The following ANGPT1 variants were observed in gnomAD, a reference collection of about 807,000 sequenced individuals.
ANGPT1 encodes angiopoietin-1.
Under a neutral mutation model 62.2 loss-of-function variants are expected in ANGPT1, and 17 were observed. The observed-to-expected ratio is 0.27, with a 90% confidence interval of 0.19 to 0.41. The LOEUF (loss-of-function observed/expected upper bound fraction) is 0.41, where lower values mean the gene tolerates loss of function less well. Among genes scored for constraint, ANGPT1 ranks in the 10% least tolerant of loss-of-function variants. The probability of loss-of-function intolerance (pLI) is 1.00; values close to 1 mark genes in which losing one functional copy is unlikely to be tolerated. For missense variants in ANGPT1, 478 were observed against 594.9 expected, an observed-to-expected ratio of 0.80 and a Z score of 2.04; for synonymous variants, 199 against 198.9, an observed-to-expected ratio of 1.00 and a Z score of 0.00.
intron 1 of ANGPT1, among the ~76,000 whole-genome samples, chr8:107,486,899 A>C (rs1280462748): frequency 1.3e-5 from 2 of 152,144 alleles, no homozygotes; most frequent in East Asian, 3.9e-4. Flanking sequence ...TGAATTTCTT[A>C]CATCTTCCTA....
chr8:107,493,817 G>A (rs1813027124), intron 1 of ANGPT1, among the ~76,000 whole-genome samples: 1 of 150,318 alleles, frequency 6.7e-6, no homozygotes, highest in Non-Finnish European at 1.5e-5. Context: ...TAATATATAT[G>A]TAATATATGG....
intron 1 of ANGPT1, among the ~76,000 whole-genome samples, chr8:107,356,589 C>G (rs1816051722): frequency 6.6e-6 from 1 of 152,126 alleles, no homozygotes. Context: ...CACTGCATTC[C>G]AGCCTAGGCA....
intron 1 of ANGPT1, among the ~76,000 whole-genome samples, chr8:107,385,764 G>A (rs1816720372): frequency 6.6e-6 from 1 of 151,972 alleles, no homozygotes; most frequent in Non-Finnish European, 1.5e-5. Context: ...GTTGCTGTGG[G>A]TTTGTCATAG....
At chr8:107,495,620 T>C (rs1021931489) in intron 1 of ANGPT1, among the ~76,000 whole-genome samples, 1 of 152,146 alleles carries the variant, frequency 6.6e-6, no homozygotes, top group Non-Finnish European at 1.5e-5. Flanking sequence ...AAATTTTCCT[T>C]CCCGTTCCCT....
intron 1 of ANGPT1, among the ~76,000 whole-genome samples, chr8:107,479,861 T>C (rs1196397319): frequency 1.3e-5 from 2 of 152,150 alleles, no homozygotes; most frequent in Non-Finnish European, 2.9e-5. Flanking sequence ...TCTGTAGATA[T>C]AAAAATACTA....
rs146083771 is a variant in ANGPT1 at position 107,297,530 on chromosome 8, T to C, written c.937-3493A>G. The stretch of plus-strand genomic sequence containing the variant: ...CATTATACACTCTATGTATATAATG[T>C]AATATTTAATATGTATATAATATTT... On this transcript the variant is annotated intron_variant, in intron 5 of 8. Transcript: ENST00000517746. Among the ~76,000 whole-genome samples the C allele has an allele frequency of 6.7e-4, 101 of 149,912 alleles. 1 individual carries two copies. The highest frequency in any genetic ancestry group is 3.6e-3 in the Middle Eastern group (1 of 280).
intron 1 of ANGPT1, among the ~76,000 whole-genome samples, chr8:107,388,379 C>G (rs565569770): frequency 7.9e-5 from 12 of 151,748 alleles, no homozygotes; most frequent in Admixed American, 6.6e-4. Context: ...TGCACCACTG[C>G]GCTCCAGTTT....
At chr8:107,352,302 T>C (rs148362701) in intron 1 of ANGPT1, among the ~76,000 whole-genome samples, 37 of 152,292 alleles carry the variant, frequency 2.4e-4, no homozygotes, top group African/African-American at 8.4e-4. Flanking sequence ...TTACCCATGG[T>C]GAGAAGGCAA....
intron 7 of ANGPT1, among the ~76,000 whole-genome samples, chr8:107,281,076 T>C (rs1813993133): frequency 6.6e-6 from 1 of 152,208 alleles, no homozygotes; most frequent in Non-Finnish European, 1.5e-5. Flanking sequence ...TTTTATTTTC[T>C]ATCTGAGAAA....
At chr8:107,382,128 C>T (rs1816650396) in intron 1 of ANGPT1, among the ~76,000 whole-genome samples, 1 of 152,112 alleles carries the variant, frequency 6.6e-6, no homozygotes, top group Admixed American at 6.6e-5. Flanking sequence ...ACAATTACTT[C>T]TGCACCAATT....
chr8:107,471,648 T>C (rs1812361699), intron 1 of ANGPT1, among the ~76,000 whole-genome samples: 1 of 152,136 alleles, frequency 6.6e-6, no homozygotes, highest in Non-Finnish European at 1.5e-5. Flanking sequence ...TAAAGCATTC[T>C]TCAGATTGGC....
At chr8:107,343,633 C>T (rs887618018) in intron 2 of ANGPT1, among the ~76,000 whole-genome samples, 5 of 152,160 alleles carry the variant, frequency 3.3e-5, no homozygotes, top group Non-Finnish European at 7.4e-5. Context: ...AAGGGCTCCA[C>T]AGATCATTAA....
At chr8:107,370,559 G>C in intron 1 of ANGPT1, among the ~76,000 whole-genome samples, 1 of 184 alleles carries the variant, frequency 5.4e-3, no homozygotes, top group East Asian at 0.25. Context: ...AAAATTAGCC[G>C]GGCATGGTGG....
intron 1 of ANGPT1, among the ~76,000 whole-genome samples, chr8:107,408,936 G>A (rs1439656956): frequency 1.3e-5 from 2 of 152,164 alleles, no homozygotes; most frequent in East Asian, 1.9e-4. Context: ...ATTACAGGCA[G>A]CAGAATAATA....
chr8:107,345,958 T>C (rs991132330), intron 2 of ANGPT1, among the ~76,000 whole-genome samples: 1 of 152,166 alleles, frequency 6.6e-6, no homozygotes, highest in Non-Finnish European at 1.5e-5. Context: ...GAATCCCAGA[T>C]TTTATAAACT....
At chr8:107,389,082 C>G (rs922205045) in intron 1 of ANGPT1, among the ~76,000 whole-genome samples, 1 of 152,086 alleles carries the variant, frequency 6.6e-6, no homozygotes, top group Non-Finnish European at 1.5e-5. Flanking sequence ...TCCTTTATAG[C>G]CATGATGACC....
intron 1 of ANGPT1, among the ~76,000 whole-genome samples, chr8:107,442,427 A>G (rs1811505923): frequency 6.6e-6 from 1 of 152,136 alleles, no homozygotes; most frequent in Non-Finnish European, 1.5e-5. Context: ...ATTTTAATCT[A>G]TTTTTATTTT....
At chr8:107,353,988 A>C (rs1815987920) in intron 1 of ANGPT1, among the ~76,000 whole-genome samples, 1 of 152,264 alleles carries the variant, frequency 6.6e-6, no homozygotes, top group Non-Finnish European at 1.5e-5. Flanking sequence ...CATATATAGA[A>C]GCTATCAAGG....
At chr8:107,479,812 CAGAGTGTGGATGGTCT>C (rs1400870280) in intron 1 of ANGPT1, among the ~76,000 whole-genome samples, 1 of 152,044 alleles carries the variant, frequency 6.6e-6, no homozygotes, top group Non-Finnish European at 1.5e-5. Flanking sequence ...TTGTGGAATT[CAGAGTGTGGATGGTCT>C]ATGAAGCTTT....
Sources: gnomAD v4.1 joint callset for allele counts (sites outside exome capture counted in the v4.1 genomes callset) on GRCh38, gnomAD v4.1.1 for gene constraint, MANE v1.5 for transcripts, NCBI Gene and HGNC (gene_info 2026-07-23, HGNC 2026-07-21) for gene names.